The following IQGAP1 variants were observed in gnomAD, a reference collection of about 807,000 sequenced individuals.
IQGAP1 encodes the protein IQ motif containing GTPase activating protein 1.
IQGAP1 carries 66 observed loss-of-function variants against 215.6 expected under a neutral mutation model. The ratio of observed to expected loss-of-function variants is 0.31; its 90% CI spans 0.25 to 0.38. IQGAP1 has a LOEUF of 0.38. Ranked by LOEUF, IQGAP1 falls within the 10% of genes least tolerant of loss-of-function variation. The pLI is 1.00. For synonymous variants in IQGAP1, 772 were observed against 728.7 expected (o/e 1.06, Z -0.96); for missense variants, 1,712 against 1,997.1 (o/e 0.86, Z 2.72).
chr15:90,480,561 G>C (rs576706607), intron 26 of IQGAP1, among the ~76,000 whole-genome samples: 34 of 152,188 alleles, frequency 2.2e-4, no homozygotes, highest in Middle Eastern at 6.8e-3. Context: ...ATTTCTCATA[G>C]AATGTTTCTG....
intron 18 of IQGAP1, among the ~76,000 whole-genome samples, chr15:90,472,481 C>T (rs751823808): frequency 2.0e-5 from 3 of 152,114 alleles, no homozygotes; most frequent in Non-Finnish European, 4.4e-5. Flanking sequence ...TCCCTCGGTA[C>T]GTGGCACACA....
At chr15:90,408,939 A>C (rs747400232) in intron 2 of IQGAP1, among the ~76,000 whole-genome samples, 1 of 152,130 alleles carries the variant, frequency 6.6e-6, no homozygotes, top group Non-Finnish European at 1.5e-5. Context: ...CTGCAGATGC[A>C]TGCCACCATG....
chr15:90,427,102 CA>C (rs34625303), intron 3 of IQGAP1, among the ~76,000 whole-genome samples: 52 of 145,330 alleles, frequency 3.6e-4, no homozygotes, highest in South Asian at 8.7e-4. Context: ...CCCTGTCTTA[CA>C]AAAAAAAAAA....
intron 9 of IQGAP1, among the ~76,000 whole-genome samples, chr15:90,444,344 C>A (rs1025843794): frequency 2.0e-5 from 3 of 147,912 alleles, no homozygotes; most frequent in Non-Finnish European, 4.4e-5. Context: ...GCTGCAGTTG[C>A]GATTATGGTT....
intron 15 of IQGAP1, among the ~76,000 whole-genome samples, chr15:90,463,472 G>A (rs1418037515): frequency 1.3e-5 from 2 of 152,054 alleles, no homozygotes; most frequent in East Asian, 1.9e-4. Flanking sequence ...CAGCCCTCTC[G>A]CTTATGACTT....
chr15:90,456,713 TAAA>T (rs59435003), intron 15 of IQGAP1, among the ~76,000 whole-genome samples: 1 of 127,974 alleles, frequency 7.8e-6, no homozygotes. Context: ...TCATCTCTAC[TAAA>T]AAAAAAAAAA....
At chr15:90,445,620 G>A (rs1051271560) in intron 9 of IQGAP1, among the ~76,000 whole-genome samples, 4 of 152,054 alleles carry the variant, frequency 2.6e-5, no homozygotes. Flanking sequence ...CATAGGTTTA[G>A]ACTCACCAAA....
chr15:90,432,948 T>G (rs1965322735), intron 4 of IQGAP1, among the ~76,000 whole-genome samples: 1 of 152,182 alleles, frequency 6.6e-6, no homozygotes, highest in Admixed American at 6.5e-5. Context: ...CTATCCTACC[T>G]CATTCACTAA....
chr15:90,455,558 A>T (rs1965666580), intron 14 of IQGAP1, among the ~76,000 whole-genome samples: 2 of 152,214 alleles, frequency 1.3e-5, no homozygotes, highest in Non-Finnish European at 2.9e-5. Context: ...CAAAAGCAGT[A>T]CGGCTGCCTA....
Position 90,448,643 on chromosome 15 carries a change from G to C in IQGAP1, c.984G>C (p.Leu328=), listed in dbSNP as rs759348453. 6.2e-7 allele frequency: 1 copy of C among 1,612,180 alleles called. No individual in the cohort carries two copies. The highest frequency in any genetic ancestry group is 8.5e-7 in the Non-Finnish European group (1 of 1,179,092). The change falls in exon 10 of 38, where the codon CTG becomes CTC. Residue 328 remains leucine, a synonymous_variant. Transcript: ENST00000268182. ...ATGCACTGGCCTTGTTCAGGGCTCT[G>C]CAGTCACCAGCCCTGGGGCTTCGAG... The part of the protein sequence containing the change: ...QGDALALFRA[L]QSPALGLRGL...
rs992890588 is a variant in IQGAP1, at chr15:90,393,413, C to G, written c.155+2540C>G. 4 of 152,168 alleles carry G rather than the reference C, an allele frequency of 2.6e-5. No homozygotes were observed. In the East Asian group the frequency reaches 7.7e-4, roughly 29 times the overall value. 9.4% of individuals were successfully genotyped at this position (152,168 alleles called of 1,614,324 possible). On this transcript the variant is annotated intron_variant, in intron 2 of 37. Coordinates refer to ENST00000268182, the MANE Select transcript of IQGAP1 (RefSeq NM_003870.4). ...CATACCTGATCCAATGTAAATGCTA[C>G]ATAAATAGTTGTTACACTGTATTGT...
chr15:90,402,935 G>C (rs2151003879), intron 2 of IQGAP1, among the ~76,000 whole-genome samples: 1 of 152,280 alleles, frequency 6.6e-6, no homozygotes, highest in Middle Eastern at 3.4e-3. Flanking sequence ...ACAGCTAAAA[G>C]TAAACAAAAT....
Position 90,500,323 on chromosome 15 carries a change from C to T in IQGAP1, c.*215C>T. The T allele has an allele frequency of 2.1e-6, 1 of 469,560 alleles. No individual in the cohort carries two copies. Among genetic ancestry groups the T allele is most frequent in the African/African-American group, 1.9e-5 (1 of 51,912 alleles). 29.1% of individuals were successfully genotyped at this position (469,560 alleles called of 1,614,324 possible). On this transcript the variant is annotated 3_prime_UTR_variant, in exon 38 of 38. Transcript: ENST00000268182. ...AATTGTGTTTCAGGCTTAGTCTGACCTTTCTGGTTTCTTCATTTTCTTCCA... is the reference window on the plus strand; with the variant it reads ...AATTGTGTTTCAGGCTTAGTCTGACTTTTCTGGTTTCTTCATTTTCTTCCA...
rs8038127 is a variant in IQGAP1, at chr15:90,478,383, A to G, written c.3329+494A>G. Among the ~76,000 whole-genome samples the G allele has an allele frequency of 5.8e-3, 879 of 152,348 alleles. 6 individuals carry two copies. The highest frequency in any genetic ancestry group is 0.019 in the African/African-American group (810 of 41,580). ...AGCAAATATTTATTGAGTATTAACT[A>G]TGTGCCAGGCATTGTGTTAGAGATG... On this transcript the variant is annotated intron_variant, in intron 26 of 37. Coordinates refer to ENST00000268182, the MANE Select transcript of IQGAP1 (RefSeq NM_003870.4).
chr15:90,417,977 T>A (rs1420572458), intron 2 of IQGAP1, among the ~76,000 whole-genome samples: 1 of 152,228 alleles, frequency 6.6e-6, no homozygotes, highest in Admixed American at 6.5e-5. Flanking sequence ...TTCCTTTATG[T>A]TACATGTCTC....
At chr15:90,441,315 C>T (rs1317875655) in intron 7 of IQGAP1, among the ~76,000 whole-genome samples, 191 bp from the exon 8 acceptor site, 1 of 152,242 alleles carries the variant, frequency 6.6e-6, no homozygotes, top group African/African-American at 2.4e-5. Context: ...GCTTTGCATA[C>T]TGTAAGGAAG....
chr15:90,459,101 C>G (rs1047152681), intron 15 of IQGAP1, among the ~76,000 whole-genome samples: 1 of 152,202 alleles, frequency 6.6e-6, no homozygotes, highest in Non-Finnish European at 1.5e-5. Flanking sequence ...TCTTTTAGCC[C>G]TTCCGCTTGC....
At chr15:90,456,943 T>C (rs1396766752) in intron 15 of IQGAP1, among the ~76,000 whole-genome samples, 1 of 108,090 alleles carries the variant, frequency 9.3e-6, no homozygotes, top group Non-Finnish European at 1.7e-5. Flanking sequence ...TATATACGTA[T>C]ATATATAATA....
At chr15:90,422,681 A>T (rs1453962537) in intron 2 of IQGAP1, among the ~76,000 whole-genome samples, 61 of 119,592 alleles carry the variant, frequency 5.1e-4, no homozygotes, top group Middle Eastern at 4.7e-3. Flanking sequence ...TATATATATA[A>T]TTTTTGAGAC....
Sources: allele counts gnomAD v4.1 joint callset (sites outside exome capture counted in the v4.1 genomes callset), GRCh38; gene constraint gnomAD v4.1.1; transcripts MANE v1.5; gene names NCBI Gene and HGNC (gene_info 2026-07-23, HGNC 2026-07-21).